The following PCSK9 variants were observed in gnomAD, a reference collection of about 807,000 sequenced individuals.
PCSK9 encodes the protein convertase subtilisin/kexin type 9 preproprotein.
In PCSK9, 57 loss-of-function variants were observed where a neutral mutation model predicts 62.1. That is an observed-to-expected ratio of 0.92 (90% CI 0.74 to 1.14). The LOEUF (loss-of-function observed/expected upper bound fraction) is 1.14, where lower values mean the gene tolerates loss of function less well. Ranked by LOEUF, PCSK9 falls within the 50% of genes most tolerant of loss-of-function variation. The pLI, the probability that PCSK9 is intolerant of heterozygous loss-of-function variation, is 0.00. For missense variants in PCSK9, 870 were observed against 959.8 expected (o/e 0.91, Z 1.24); for synonymous variants, 387 against 409.4 (o/e 0.95, Z 0.66).
At chr1:55,063,319 G>C in intron 11 of PCSK9, 50 bp from the exon 12 acceptor site, 1 of 1,573,240 alleles carries the variant, frequency 6.4e-7, no homozygotes, top group Middle Eastern at 1.8e-4. Context: ...TGTGGGTGGG[G>C]GTCCCGGGCC....
At chr1:55,041,187 T>C (rs1363879883) in intron 1 of PCSK9, among the ~76,000 whole-genome samples, 1 of 152,210 alleles carries the variant, frequency 6.6e-6, no homozygotes, top group African/African-American at 2.4e-5. Context: ...GTTTTGTCCC[T>C]GTCTGCAGTG....
intron 10 of PCSK9, 61 bp downstream of exon 10, chr1:55,059,724 C>T: frequency 2.0e-6 from 3 of 1,530,264 alleles, no homozygotes; most frequent in Non-Finnish European, 2.6e-6. Context: ...GCACCCACTG[C>T]CCGCGAGGCT....
At chr1:55,058,947 G>A (rs992728722) in intron 9 of PCSK9, among the ~76,000 whole-genome samples, 7 of 152,236 alleles carry the variant, frequency 4.6e-5, no homozygotes, top group Non-Finnish European at 7.3e-5. Flanking sequence ...GGCCGCGTGA[G>A]GGTCAGCGAT....
At chr1:55,054,770 G>C (rs917921964) in intron 5 of PCSK9, among the ~76,000 whole-genome samples, 128 of 152,182 alleles carry the variant, frequency 8.4e-4, no homozygotes, top group Non-Finnish European at 1.1e-3. Flanking sequence ...CTTTGGGAGG[G>C]CAAGGCGGGA....
intron 1 of PCSK9, among the ~76,000 whole-genome samples, chr1:55,042,869 C>A (rs1644607019): frequency 6.6e-6 from 1 of 152,140 alleles, no homozygotes; most frequent in South Asian, 2.1e-4. Context: ...GGGGAGGAAC[C>A]CCTGTGAAAG....
At chr1:55,059,383 C>T in intron 9 of PCSK9, 103 bp from the exon 10 acceptor site, 2 of 1,431,254 alleles carry the variant, frequency 1.4e-6, no homozygotes, top group Non-Finnish European at 1.9e-6. Flanking sequence ...TGGCCCCTGG[C>T]AGGGACACTG....
chr1:55,048,693 C>T (rs1197292174), intron 3 of PCSK9, among the ~76,000 whole-genome samples: 2 of 152,208 alleles, frequency 1.3e-5, no homozygotes, highest in African/African-American at 2.4e-5. Context: ...AGCTGGCTGC[C>T]GCCCTCAAAC....
chr1:55,045,330 A>C (rs1644625870), intron 2 of PCSK9, among the ~76,000 whole-genome samples: 1 of 152,166 alleles, frequency 6.6e-6, no homozygotes, highest in African/African-American at 2.4e-5. Flanking sequence ...TTGGCTGTCT[A>C]ACCCTGAGCA....
chr1:55,046,384 G>A, intron 2 of PCSK9, 139 bp from the exon 3 acceptor site: 1 of 1,302,530 alleles, frequency 7.7e-7, no homozygotes, highest in South Asian at 1.2e-5. Flanking sequence ...TGTCCTCCGG[G>A]GCACTAGCAG....
rs745578045 is a variant in PCSK9, at chr1:55,063,503, C to A, written c.1998C>A (p.Ser666Arg). 6.2e-6 allele frequency: 10 copies of A among 1,613,976 alleles called. No homozygotes were observed. The highest frequency in any genetic ancestry group is 8.5e-6 in the Non-Finnish European group (10 of 1,179,884). Residue 666 changes from serine (S) to arginine (R), a missense_variant, in exon 12 of 12, where the codon AGC becomes AGA. By Grantham distance (110) the Ser-to-Arg change is moderately radical (BLOSUM62 -1). Coordinates refer to ENST00000302118, the MANE Select transcript of PCSK9 (RefSeq NM_174936.4). The stretch of plus-strand genomic sequence containing the variant: ...GCCGGGACGTCAGCACTACAGGCAG[C>A]ACCAGCGAAGGGGCCGTGACAGCCG... Reference protein sequence around the residue: ...VRSRDVSTTGSTSEGAVTAVA... With the variant: ...VRSRDVSTTGRTSEGAVTAVA...
At chr1:55,046,462 CTG>C in intron 2 of PCSK9, 59 bp from the exon 3 acceptor site, 2 of 1,613,492 alleles carry the variant, frequency 1.2e-6, no homozygotes, top group African/African-American at 1.3e-5. Flanking sequence ...CAGGCTGTGG[CTG>C]TGTTTGCTGC....
rs35115360 is a variant in PCSK9, at chr1:55,058,666, C to CGTGTGT, written c.1503+66_1503+71dup. On this transcript the variant is annotated intron_variant, in intron 9 of 11. Transcript: ENST00000302118. ...CATGGAGGTGACTGTACCCCTCCTT[C>CGTGTGT]GTGTGTGTGTGTGTGTGTGTGTGTG... 7.3e-4 allele frequency: 1,124 copies of CGTGTGT among 1,534,496 alleles called. No homozygotes were observed. The highest frequency in any genetic ancestry group is 7.2e-4 in the Non-Finnish European group (816 of 1,133,490).
chr1:55,039,602 C>T lies in PCSK9; in HGVS notation c.-236C>T. On this transcript the variant is annotated 5_prime_UTR_variant, in exon 1 of 12. Coordinates refer to ENST00000302118, the MANE Select transcript of PCSK9 (RefSeq NM_174936.4). ...CGGGCGCCGCCGTTCAGTTCAGGGT[C>T]TGAGCCTGGAGGAGTGAGCCAGGCA... The T allele has an allele frequency of 1.7e-6, 1 of 604,788 alleles. No individual in the cohort carries two copies. Among genetic ancestry groups the T allele is most frequent in the East Asian group, 2.8e-5 (1 of 35,690 alleles). The allele number at this position is 604,788 out of a possible 1,614,324, so 37.5% of individuals were successfully genotyped here. A position where few individuals can be genotyped will look rare whatever the true frequency, so the allele number is the denominator to read the frequency against.
chr1:55,059,501 C>G lies in PCSK9; in HGVS notation c.1519C>G (p.Leu507Val). ...GERMEAQGGKLVCRAHNAFGG... is the reference protein window; with the variant it reads ...GERMEAQGGKVVCRAHNAFGG... ...TGACTCTAAGGCCCAAGGGGGCAAG[C>G]TGGTCTGCCGGGCCCACAACGCTTT... Residue 507 changes from leucine to valine, a missense_variant, in exon 10 of 12, where the codon CTG (leucine) becomes GTG (valine). Transcript: ENST00000302118. 2 of 1,565,626 alleles carry G rather than the reference C, an allele frequency of 1.3e-6. No homozygotes were observed. Among genetic ancestry groups the G allele is most frequent in the Non-Finnish European group, 1.7e-6 (2 of 1,153,946 alleles).
At chr1:55,057,892 C>T (rs1021945282) in intron 7 of PCSK9, 144 bp from the exon 8 acceptor site, 7 of 1,157,340 alleles carry the variant, frequency 6.0e-6, no homozygotes, top group Admixed American at 3.6e-5. Context: ...GGACTGCAGG[C>T]GGCTTACCTT....
intron 3 of PCSK9, among the ~76,000 whole-genome samples, chr1:55,049,262 G>A (rs1218525620): frequency 6.6e-6 from 1 of 152,236 alleles, no homozygotes; most frequent in Non-Finnish European, 1.5e-5. Flanking sequence ...AGGAGGGAGT[G>A]TGGCCTGTGC....
rs781268309 is a variant in PCSK9, at chr1:55,063,337, A to G, written c.1864-32A>G. The G allele has an allele frequency of 5.0e-6, 8 of 1,608,082 alleles. No individual in the cohort carries two copies. The African/African-American group carries it at 1.1e-4, about 21-fold the overall frequency. On this transcript the variant is annotated intron_variant, in intron 11 of 11. Coordinates refer to ENST00000302118, the MANE Select transcript of PCSK9 (RefSeq NM_174936.4). ...GGGTGGGGGTCCCGGGCCACGCTAG[A>G]CATGTGCTTTCTTTTCCTCGGGCTC...
intron 3 of PCSK9, among the ~76,000 whole-genome samples, chr1:55,050,621 T>C (rs1312372525): frequency 6.6e-6 from 1 of 152,042 alleles, no homozygotes; most frequent in East Asian, 1.9e-4. Context: ...CTGGAGGCCT[T>C]AGGGCAGGGT....
chr1:55,052,966 G>A (rs1276764907), intron 5 of PCSK9, among the ~76,000 whole-genome samples, 175 bp downstream of exon 5: 1 of 152,204 alleles, frequency 6.6e-6, no homozygotes, highest in Non-Finnish European at 1.5e-5. Flanking sequence ...GGCCACGAGT[G>A]CAGATGAAGA....
Sources: gnomAD v4.1 joint callset for allele counts (sites outside exome capture counted in the v4.1 genomes callset) on GRCh38, gnomAD v4.1.1 for gene constraint, MANE v1.5 for transcripts, NCBI Gene and HGNC (gene_info 2026-07-23, HGNC 2026-07-21) for gene names.